The following MYO1H variants were observed in gnomAD, a reference collection of about 807,000 sequenced individuals.
MYO1H encodes the protein myosin IH.
In MYO1H, 118 loss-of-function variants were observed where a neutral mutation model predicts 149.3. The ratio of observed to expected loss-of-function variants is 0.79; its 90% CI spans 0.68 to 0.92. The LOEUF (loss-of-function observed/expected upper bound fraction) is 0.92, where lower values mean the gene tolerates loss of function less well. MYO1H is among the 40% of genes least tolerant of loss of function. The probability of loss-of-function intolerance (pLI) is 0.00; values close to 1 mark genes in which losing one functional copy is unlikely to be tolerated. For synonymous variants in MYO1H, 447 were observed against 465.2 expected (o/e 0.96, Z 0.50); for missense variants, 1,212 against 1,280.7 (o/e 0.95, Z 0.82).
At chr12:109,369,242 G>A (rs1868932419) in intron 1 of MYO1H, among the ~76,000 whole-genome samples, 1 of 152,118 alleles carries the variant, frequency 6.6e-6, no homozygotes, top group Non-Finnish European at 1.5e-5. Context: ...AATGAGCCAC[G>A]ATGCCTGGCT....
chr12:109,352,157 C>A (rs1400423499), intron 1 of MYO1H, among the ~76,000 whole-genome samples: 1 of 152,086 alleles, frequency 6.6e-6, no homozygotes, highest in African/African-American at 2.4e-5. Context: ...GTTCATAATA[C>A]CACTTTTATT....
the MYO1H span, among the ~76,000 whole-genome samples, chr12:109,312,687 CTCTT>C: frequency 5.3e-5 from 8 of 152,012 alleles, no homozygotes; most frequent in African/African-American, 1.9e-4. Context: ...ATGATCAGGT[CTCTT>C]TCTTTGACCC....
chr12:109,347,878 A>G (rs1197364789), upstream of MYO1H: 2 of 398,874 alleles, frequency 5.0e-6, no homozygotes, highest in Non-Finnish European at 8.8e-6. Context: ...GTCAGGCATC[A>G]CAGAATCATA....
chr12:109,355,491 C>G (rs1868568368), intron 1 of MYO1H, among the ~76,000 whole-genome samples: 1 of 152,088 alleles, frequency 6.6e-6, no homozygotes, highest in African/African-American at 2.4e-5. Flanking sequence ...GGGCTTATAG[C>G]TATGGGCCTG....
chr12:109,338,834 C>G, the MYO1H span, among the ~76,000 whole-genome samples: 1 of 150,830 alleles, frequency 6.6e-6, no homozygotes, highest in African/African-American at 2.4e-5. Context: ...TCACACCCAT[C>G]TTGTTAGTTT....
At chr12:109,345,642 C>A (rs2048100518), upstream of MYO1H, among the ~76,000 whole-genome samples, 1 of 152,142 alleles carries the variant, frequency 6.6e-6, no homozygotes, top group South Asian at 2.1e-4. Context: ...CAAGTCCACA[C>A]AAAAATTTGC....
At chr12:109,345,309 C>T (rs935159070), upstream of MYO1H, among the ~76,000 whole-genome samples, 1 of 152,130 alleles carries the variant, frequency 6.6e-6, no homozygotes, top group Non-Finnish European at 1.5e-5. Flanking sequence ...TTTGCATAGA[C>T]AGTTCTCCAA....
intron 5 of MYO1H, among the ~76,000 whole-genome samples, chr12:109,400,072 G>T (rs1023889761): frequency 6.6e-6 from 1 of 152,156 alleles, no homozygotes. Flanking sequence ...TTTGTGCCTG[G>T]CTTCTTTCAA....
intron 1 of MYO1H, among the ~76,000 whole-genome samples, chr12:109,381,631 C>A (rs1358229171): frequency 6.6e-6 from 1 of 151,622 alleles, no homozygotes; most frequent in Non-Finnish European, 1.5e-5. Flanking sequence ...ATGGTGAAAC[C>A]CCGTCTCTAC....
chr12:109,409,246 C>CTTTTTTTTTTTTTTTTTTTTTTTT (rs66507410), intron 10 of MYO1H, among the ~76,000 whole-genome samples: 15 of 47,846 alleles, frequency 3.1e-4, no homozygotes, highest in South Asian at 9.4e-4. Flanking sequence ...TCTTCTTCTT[C>CTTTTTTTTTTTTTTTTTTTTTTTT]TTTTTTTTTT....
chr12:109,434,565 C>T (rs1826737075), intron 20 of MYO1H, among the ~76,000 whole-genome samples: 1 of 152,202 alleles, frequency 6.6e-6, no homozygotes, highest in Admixed American at 6.5e-5. Flanking sequence ...AGCAACATAA[C>T]TTGAAGCAAC....
chr12:109,436,128 C>G (rs1463775280), intron 21 of MYO1H, among the ~76,000 whole-genome samples: 1 of 152,216 alleles, frequency 6.6e-6, no homozygotes, highest in Non-Finnish European at 1.5e-5. Context: ...CACCATCTGT[C>G]TGAGCCTGCG....
At chr12:109,313,292 T>G in the MYO1H span, among the ~76,000 whole-genome samples, 1 of 152,182 alleles carries the variant, frequency 6.6e-6, no homozygotes, top group African/African-American at 2.4e-5. Flanking sequence ...ACAGGAGAGT[T>G]TATCCAGTGC....
chr12:109,417,070 C>T (rs1870943968), intron 15 of MYO1H, among the ~76,000 whole-genome samples: 1 of 148,516 alleles, frequency 6.7e-6, no homozygotes, highest in South Asian at 2.2e-4. Flanking sequence ...ACTTGGGAGG[C>T]CGAGGCAGGA....
chr12:109,416,367 CTGT>C lies in MYO1H; in HGVS notation c.1597+756_1597+758del, dbSNP rs1277684575. 3.6e-5 allele frequency among the ~76,000 whole-genome samples: 5 copies of C among 137,742 alleles called. No individual in the cohort carries two copies. The South Asian group carries it at 6.5e-4, about 18-fold the overall frequency. The allele number at this position is 137,742 out of a possible 152,430, so 90.4% of individuals were successfully genotyped here. A position where few individuals can be genotyped will look rare whatever the true frequency, so the allele number is the denominator to read the frequency against. ...CTACCTTCCCTCTCTATAGATTTGACTGTTGTTGTTGGTTTTTTTTTTTTTGAC... is the reference window on the plus strand; with the variant it reads ...CTACCTTCCCTCTCTATAGATTTGACTGTTGTTGGTTTTTTTTTTTTTGAC... On this transcript the variant is annotated intron_variant, in intron 15 of 31. Coordinates refer to ENST00000310903, the Ensembl canonical transcript of MYO1H.
In MYO1H at chr12:109,442,903, C is replaced by T. The variant is rs543593007; in HGVS notation, c.2689-611C>T. On this transcript the variant is annotated intron_variant, in intron 27 of 31. Coordinates refer to ENST00000310903, the Ensembl canonical transcript of MYO1H. ...TTTCATCTCTGACCATCAGAGCAGACCTGCAAGGCAGGCAGCCATAGCCTT... is the reference window on the plus strand; with the variant it reads ...TTTCATCTCTGACCATCAGAGCAGATCTGCAAGGCAGGCAGCCATAGCCTT... 4.7e-5 allele frequency among the ~76,000 whole-genome samples: 7 copies of T among 148,142 alleles called. No individual in the cohort carries two copies. The South Asian group carries it at 1.5e-3, about 32-fold the overall frequency.
chr12:109,410,680 C>A lies in MYO1H; in HGVS notation c.1330-8C>A, dbSNP rs748480096. The A allele has an allele frequency of 2.5e-6, 4 of 1,585,214 alleles. No individual in the cohort carries two copies. Among genetic ancestry groups the A allele is most frequent in the East Asian group, 4.5e-5 (2 of 44,638 alleles). The stretch of plus-strand genomic sequence containing the variant: ...TCTTGGAGAATTCATTCCTCTTTGT[C>A]ATTTTAGTGGGAGCCAATTAAATAT... On this transcript the variant is annotated splice_polypyrimidine_tract_variant and splice_region_variant and intron_variant, in intron 12 of 31. Transcript: ENST00000310903.
intron 10 of MYO1H, among the ~76,000 whole-genome samples, chr12:109,409,233 T>C (rs1399148051): frequency 1.9e-5 from 2 of 107,824 alleles, no homozygotes; most frequent in South Asian, 3.0e-4. Context: ...TTTTTCTTCT[T>C]CTTCTTCTTC....
chr12:109,366,996 A>G (rs1385295278), intron 1 of MYO1H, among the ~76,000 whole-genome samples: 1 of 152,204 alleles, frequency 6.6e-6, no homozygotes, highest in Non-Finnish European at 1.5e-5. Context: ...AAATATTCCA[A>G]AATCAGAAGA....
Sources: allele counts gnomAD v4.1 joint callset (sites outside exome capture counted in the v4.1 genomes callset), GRCh38; gene constraint gnomAD v4.1.1; transcripts MANE v1.5; gene names NCBI Gene and HGNC (gene_info 2026-07-23, HGNC 2026-07-21).